WNK1: variants seen among roughly 807,000 people sequenced by gnomAD.
The protein encoded by WNK1 is serine/threonine-protein kinase WNK1.
Under a neutral mutation model 222.8 loss-of-function variants are expected in WNK1, and 38 were observed. That is an observed-to-expected ratio of 0.17 (90% CI 0.13 to 0.22). WNK1 has a LOEUF of 0.22. Among genes scored for constraint, WNK1 ranks in the 10% least tolerant of loss-of-function variants. The pLI, the probability that WNK1 is intolerant of heterozygous loss-of-function variation, is 1.00. For missense variants in WNK1, 2,348 were observed against 2,918.4 expected (o/e 0.80, Z 4.50); for synonymous variants, 1,090 against 1,092.9 (o/e 1.00, Z 0.05).
chr12:757,358 G>A (rs372932182), intron 1 of WNK1, among the ~76,000 whole-genome samples: 4 of 15,832 alleles, frequency 2.5e-4, no homozygotes, highest in South Asian at 2.7e-3. Context: ...ACGGAGTCTT[G>A]CTCTATCTCC....
intron 1 of WNK1, among the ~76,000 whole-genome samples, chr12:777,741 G>T (rs1943271010): frequency 6.6e-6 from 1 of 152,162 alleles, no homozygotes; most frequent in African/African-American, 2.4e-5. Flanking sequence ...ATTCACTGTA[G>T]TTGCTCAGTG....
chr12:772,125 T>G (rs996089140), intron 1 of WNK1, among the ~76,000 whole-genome samples: 1 of 152,150 alleles, frequency 6.6e-6, no homozygotes, highest in Non-Finnish European at 1.5e-5. Flanking sequence ...TTTAAAAAAT[T>G]AGTAAAACAC....
At chr12:809,990 G>T (rs952716703) in intron 1 of WNK1, among the ~76,000 whole-genome samples, 1 of 152,128 alleles carries the variant, frequency 6.6e-6, no homozygotes, top group Non-Finnish European at 1.5e-5. Context: ...GGTGGCTCAC[G>T]TCTGTAATCC....
At chr12:813,878 C>T in intron 2 of WNK1, 64 bp downstream of exon 2, 1 of 1,543,494 alleles carries the variant, frequency 6.5e-7, no homozygotes. Flanking sequence ...TTTTAAATTT[C>T]AGGTCTACCA....
At chr12:772,181 A>C (rs1454530955) in intron 1 of WNK1, among the ~76,000 whole-genome samples, 1 of 152,224 alleles carries the variant, frequency 6.6e-6, no homozygotes, top group Non-Finnish European at 1.5e-5. Flanking sequence ...AAGGAAATAA[A>C]AAATCACCTG....
intron 1 of WNK1, among the ~76,000 whole-genome samples, chr12:776,585 C>T (rs141132708): frequency 2.0e-5 from 3 of 151,998 alleles, no homozygotes; most frequent in Admixed American, 2.0e-4. Context: ...TGCGTGCCAC[C>T]GTGCCTGGCT....
At chr12:806,137 T>TA (rs774080499) in intron 1 of WNK1, among the ~76,000 whole-genome samples, 5 of 152,184 alleles carry the variant, frequency 3.3e-5, no homozygotes, top group Non-Finnish European at 7.4e-5. Context: ...AAAGCACACT[T>TA]ACAATATGTC....
In WNK1 at chr12:879,594, C is replaced by T. The variant is rs150793303; in HGVS notation, c.2395C>T (p.Pro799Ser). 3 of 1,586,980 alleles carry T rather than the reference C, an allele frequency of 1.9e-6. No individual in the cohort carries two copies. Among genetic ancestry groups the T allele is most frequent in the Non-Finnish European group, 2.6e-6 (3 of 1,164,788 alleles). Residue 799 changes from proline to serine, a missense_variant, in exon 11 of 28, where the codon CCA becomes TCA. Pro to Ser is a moderately conservative substitution (Grantham distance 74). This residue lies in a region of WNK1 where 547 missense variants were observed against 558.3 expected (regional missense o/e 0.98). Transcript: ENST00000315939. ...GKQLPVSQPV[P>S]TIQGEPQIPV... is the part of the protein sequence containing the mutation. Reference sequence around the variant, plus strand: ...CCAGCTTCCAGTTTCCCAGCCAGTACCAACTATCCAAGGCGAACCTCAGAT... The same window carrying T: ...CCAGCTTCCAGTTTCCCAGCCAGTATCAACTATCCAAGGCGAACCTCAGAT...
intron 1 of WNK1, among the ~76,000 whole-genome samples, chr12:808,866 C>T (rs1221538297): frequency 2.0e-5 from 3 of 150,818 alleles, no homozygotes; most frequent in Non-Finnish European, 4.4e-5. Flanking sequence ...CAGGTTCAAG[C>T]GATTCTCTGG....
chr12:808,849 C>T (rs1439662383), intron 1 of WNK1, among the ~76,000 whole-genome samples: 4 of 151,316 alleles, frequency 2.6e-5, no homozygotes, highest in African/African-American at 7.3e-5. Flanking sequence ...CTGCAATCTC[C>T]GCTTCCCAGG....
intron 1 of WNK1, among the ~76,000 whole-genome samples, chr12:770,448 A>T (rs1384525092): frequency 1.3e-5 from 2 of 152,214 alleles, no homozygotes; most frequent in African/African-American, 4.8e-5. Flanking sequence ...ATGTTTAGAT[A>T]TATTTGTTAA....
Position 892,379 on chromosome 12 carries a change from A to G in WNK1, c.5509+1866A>G, listed in dbSNP as rs530611114. On this transcript the variant is annotated intron_variant, in intron 22 of 27. Transcript: ENST00000315939. ...AGTAGCAATGGACAATACATAAATA[A>G]ATGAGTTTGTGTTTCAATAGAATTT... is the stretch of plus-strand genomic sequence containing the variant. Among the ~76,000 whole-genome samples the G allele has an allele frequency of 2.6e-5, 4 of 152,282 alleles. No individual in the cohort carries two copies. The South Asian group carries it at 8.3e-4, about 32-fold the overall frequency.
chr12:791,578 C>A (rs904551928), intron 1 of WNK1, among the ~76,000 whole-genome samples: 1 of 150,560 alleles, frequency 6.6e-6, no homozygotes, highest in African/African-American at 2.4e-5. Flanking sequence ...AAAAAAACTA[C>A]ATTTCCTATT....
chr12:825,519 C>T (rs1415823468), intron 2 of WNK1, among the ~76,000 whole-genome samples: 3 of 152,060 alleles, frequency 2.0e-5, no homozygotes, highest in African/African-American at 4.8e-5. Context: ...ATTTTCATAT[C>T]TTATACAAGT....
At chr12:856,198 G>A (rs539829304) in intron 4 of WNK1, among the ~76,000 whole-genome samples, 8 of 151,586 alleles carry the variant, frequency 5.3e-5, no homozygotes, top group South Asian at 4.2e-4. Flanking sequence ...CTGTAATCCC[G>A]GCACTTTGGG....
chr12:754,455 T>C, intron 1 of WNK1, 131 bp downstream of exon 1: 1 of 1,058,948 alleles, frequency 9.4e-7, no homozygotes, highest in Middle Eastern at 2.3e-4. Context: ...GGCCAACTTT[T>C]GAAAGGGGCT....
chr12:816,795 A>G (rs1273168181), intron 2 of WNK1, among the ~76,000 whole-genome samples: 4 of 152,206 alleles, frequency 2.6e-5, no homozygotes, highest in Non-Finnish European at 2.9e-5. Flanking sequence ...TTAAATTACA[A>G]ATCACACCAA....
At chr12:872,265 A>G (rs887302587) in intron 9 of WNK1, among the ~76,000 whole-genome samples, 1 of 152,158 alleles carries the variant, frequency 6.6e-6, no homozygotes, top group Non-Finnish European at 1.5e-5. Flanking sequence ...AGCTGGGACT[A>G]CAGGCGCGTG....
At chr12:779,610 C>T (rs1002642523) in intron 1 of WNK1, among the ~76,000 whole-genome samples, 9 of 152,060 alleles carry the variant, frequency 5.9e-5, no homozygotes, top group African/African-American at 2.2e-4. Context: ...CCATGTTGGC[C>T]AGGCTGGTCT....
Sources: allele counts gnomAD v4.1 joint callset (sites outside exome capture counted in the v4.1 genomes callset), GRCh38; gene constraint gnomAD v4.1.1; regional missense constraint gnomAD v4.1.1; transcripts MANE v1.5; gene names NCBI Gene and HGNC (gene_info 2026-07-23, HGNC 2026-07-21).